IRAK4: variants seen among roughly 807,000 people sequenced by gnomAD.
IRAK4 encodes the protein interleukin-1 receptor-associated kinase 4.
IRAK4 carries 44 observed loss-of-function variants against 51.8 expected under a neutral mutation model. The ratio of observed to expected loss-of-function variants is 0.85; its 90% CI spans 0.67 to 1.09. IRAK4 has a LOEUF of 1.09. IRAK4 is among the 50% of genes least tolerant of loss of function. The probability of loss-of-function intolerance (pLI) is 0.00; values close to 1 mark genes in which losing one functional copy is unlikely to be tolerated. For synonymous variants in IRAK4, 149 were observed against 174.1 expected, an observed-to-expected ratio of 0.86 and a Z score of 1.13; for missense variants, 487 against 538.0, an observed-to-expected ratio of 0.91 and a Z score of 0.94.
chr12:43,785,213 T>C (rs1204560274), intron 10 of IRAK4, among the ~76,000 whole-genome samples: 1 of 152,146 alleles, frequency 6.6e-6, no homozygotes, highest in African/African-American at 2.4e-5. Flanking sequence ...CTTTTCCTAA[T>C]AAGATCACAT....
chr12:43,772,330 C>T lies in IRAK4; in HGVS notation c.458C>T (p.Pro153Leu), dbSNP rs1266778238. 3 of 1,613,296 alleles carry T rather than the reference C, an allele frequency of 1.9e-6. No homozygotes were observed. Among genetic ancestry groups the T allele is most frequent in the Non-Finnish European group, 2.5e-6 (3 of 1,179,942 alleles). The change falls in exon 4 of 12, where the codon CCA becomes CTA. Residue 153 changes from proline to leucine, a missense_variant. By Grantham distance (98) the Pro-to-Leu change is moderately conservative. Transcript: ENST00000613694. ...QSYMPPDSSS[P>L]ENKSLEVSDT... ...TATATGCCACCTGACTCCTCAAGTC[C>T]AGAAAATAAAAGTTTAGAAGTTAGT... is the stretch of plus-strand genomic sequence containing the variant.
Position 43,784,367 on chromosome 12 carries a change from A to G in IRAK4, c.1188+643A>G, listed in dbSNP as rs146832901. Among the ~76,000 whole-genome samples, 504 of 152,246 alleles carry G rather than the reference A, an allele frequency of 3.3e-3. 2 individuals carry two copies. Among genetic ancestry groups the G allele is most frequent in the Middle Eastern group, 0.01 (3 of 294 alleles). ...GGATCTCCTCCAATTTAATTCTGACACTACATTCCTGGACATAGCATCAGA... is the reference window on the plus strand; with the variant it reads ...GGATCTCCTCCAATTTAATTCTGACGCTACATTCCTGGACATAGCATCAGA... On this transcript the variant is annotated intron_variant, in intron 10 of 11. Coordinates refer to ENST00000613694, the MANE Select transcript of IRAK4 (RefSeq NM_016123.4).
rs76136881 is a variant in IRAK4 at position 43,776,371 on chromosome 12, G to A, written c.717-1259G>A. Among the ~76,000 whole-genome samples, 104 of 152,208 alleles carry A rather than the reference G, an allele frequency of 6.8e-4. 1 individual carries two copies. In the East Asian group the frequency reaches 7.7e-3, roughly 11 times the overall value. On this transcript the variant is annotated intron_variant, in intron 6 of 11. Transcript: ENST00000613694. Reference sequence around the variant, plus strand: ...CGTTTATAGTATAAATTCAGCAAACGTTAACTACTCATGTTTAAAATGTGC... The same window carrying A: ...CGTTTATAGTATAAATTCAGCAAACATTAACTACTCATGTTTAAAATGTGC...
chr12:43,764,765 T>C (rs1222685764), intron 1 of IRAK4, among the ~76,000 whole-genome samples: 1 of 151,400 alleles, frequency 6.6e-6, no homozygotes, highest in Non-Finnish European at 1.5e-5. Context: ...GGTGAAGCTT[T>C]CCCAGGTGTT....
chr12:43,760,835 C>T (rs1017668219), intron 1 of IRAK4: 2 of 152,134 alleles, frequency 1.3e-5, no homozygotes, highest in Admixed American at 1.3e-4. Context: ...TTATTGCCTT[C>T]CTTCCTCCAT....
At chr12:43,772,019 C>CT (rs932714351) in intron 3 of IRAK4, among the ~76,000 whole-genome samples, 161 bp from the exon 4 acceptor site, 48 of 152,312 alleles carry the variant, frequency 3.2e-4, no homozygotes, top group African/African-American at 1.1e-3. Context: ...TTCATTATAA[C>CT]TTACAGATTC....
rs140578147 is a variant in IRAK4, at chr12:43,779,735, G to A, written c.941+1433G>A. Among the ~76,000 whole-genome samples, 162 of 152,252 alleles carry A rather than the reference G, an allele frequency of 1.1e-3. 1 individual carries two copies. In the East Asian group the frequency reaches 0.021, roughly 20 times the overall value. ...CTGAAAAAAGACTTGGTTAGGTTGG[G>A]GTTAGAGAGATGGTTAGAAAATGTG... On this transcript the variant is annotated intron_variant, in intron 8 of 11. Transcript: ENST00000613694.
intron 6 of IRAK4, 116 bp from the exon 7 acceptor site, chr12:43,777,514 T>G (rs1049870559): frequency 4.4e-5 from 37 of 837,486 alleles, no homozygotes; most frequent in Non-Finnish European, 5.9e-5. Context: ...TTAGAAATAA[T>G]ATATAACATA....
At chr12:43,784,539 T>C (rs1436257842) in intron 10 of IRAK4, among the ~76,000 whole-genome samples, 1 of 152,242 alleles carries the variant, frequency 6.6e-6, no homozygotes, top group Non-Finnish European at 1.5e-5. Flanking sequence ...GGGCTCAAGA[T>C]TGAACCCAGA....
chr12:43,772,267 G>C lies in IRAK4; in HGVS notation c.395G>C (p.Arg132Thr). 6.2e-7 allele frequency: 1 copy of C among 1,613,746 alleles called. No individual in the cohort carries two copies. The change falls in exon 4 of 12, where the codon AGG becomes ACG. Residue 132 changes from arginine (R) to threonine (T), a missense_variant. Coordinates refer to ENST00000613694, the MANE Select transcript of IRAK4 (RefSeq NM_016123.4). ...QKQMPFCDKD[R>T]TLMTPVQNLE... Reference sequence around the variant, plus strand: ...CAGATGCCTTTCTGTGACAAAGACAGGACATTGATGACACCTGTGCAGAAT... The same window carrying C: ...CAGATGCCTTTCTGTGACAAAGACACGACATTGATGACACCTGTGCAGAAT...
At chr12:43,765,472 A>G (rs976830308) in intron 1 of IRAK4, among the ~76,000 whole-genome samples, 2 of 152,156 alleles carry the variant, frequency 1.3e-5, no homozygotes, top group African/African-American at 4.8e-5. Flanking sequence ...AACCTCCACC[A>G]TAAATGTGGT....
In IRAK4 at chr12:43,786,543, C is replaced by A. The variant is rs762479548; in HGVS notation, c.1333C>A (p.Pro445Thr). 8 of 1,613,294 alleles carry A rather than the reference C, an allele frequency of 5.0e-6. No homozygotes were observed. The South Asian group carries it at 7.7e-5, about 16-fold the overall frequency. ...TCTGCATGAAAAGAAAAATAAGAGA[C>A]CAGACATTAAGAAGGTATGCATTTT... ...QCLHEKKNKR[P>T]DIKKVQQLLQ... Residue 445 changes from proline (P) to threonine (T), a missense_variant, in exon 11 of 12, where the codon CCA becomes ACA. Transcript: ENST00000613694.
Position 43,786,765 on chromosome 12 carries a change from A to AT in IRAK4, c.*57dup, listed in dbSNP as rs755909125. ...CTTTTTATATACACCTATCTCAACC[A>AT]TTTTTTTAACTGATTTTTTTCCTAA... On this transcript the variant is annotated 3_prime_UTR_variant, in exon 12 of 12. Coordinates refer to ENST00000613694, the MANE Select transcript of IRAK4 (RefSeq NM_016123.4). 2.7e-6 allele frequency: 4 copies of AT among 1,479,732 alleles called. No homozygotes were observed. The highest frequency in any genetic ancestry group is 3.8e-6 in the Non-Finnish European group (4 of 1,062,360). The allele number at this position is 1,479,732 out of a possible 1,614,324, so 91.7% of individuals were successfully genotyped here. A position where few individuals can be genotyped will look rare whatever the true frequency, so the allele number is the denominator to read the frequency against.
chr12:43,768,377 C>T lies in IRAK4; in HGVS notation c.161+105C>T, dbSNP rs188640717. ...GTGGCAGTTTAGAAAGTAAACCTCT[C>T]CACTATGGAGGAGACATTGGTAGTA... On this transcript the variant is annotated intron_variant, in intron 2 of 11. Coordinates refer to ENST00000613694, the MANE Select transcript of IRAK4 (RefSeq NM_016123.4). The T allele has an allele frequency of 7.4e-6, 6 of 812,616 alleles. No individual in the cohort carries two copies. In the East Asian group the frequency reaches 8.0e-5, roughly 11 times the overall value. The allele number at this position is 812,616 out of a possible 1,614,324, so 50.3% of individuals were successfully genotyped here.
intron 8 of IRAK4, among the ~76,000 whole-genome samples, chr12:43,780,545 T>C (rs997700312): frequency 1.3e-5 from 2 of 151,756 alleles, no homozygotes; most frequent in Non-Finnish European, 2.9e-5. Context: ...TGTTCTTATA[T>C]CATTGTCTCT....
At chr12:43,770,878 T>C (rs1940678617) in intron 2 of IRAK4, among the ~76,000 whole-genome samples, 1 of 152,142 alleles carries the variant, frequency 6.6e-6, no homozygotes, top group Non-Finnish European at 1.5e-5. Flanking sequence ...TATGAGTGGA[T>C]TAATGTCGTC....
chr12:43,771,886 A>G (rs972690840), intron 3 of IRAK4, among the ~76,000 whole-genome samples: 3 of 152,152 alleles, frequency 2.0e-5, no homozygotes, highest in Non-Finnish European at 4.4e-5. Flanking sequence ...TTCCAAATCT[A>G]TGTAATCAGA....
At position 43,782,579 on chromosome 12, in the gene IRAK4, TTA is replaced by T. The variant is rs1396930409; in HGVS notation, c.1125+91_1125+92del. ...ATATTATTTAATACACCCATCTTGTTTATCTCTCTTATGTAACAATATAAGTT... is the reference window on the plus strand; with the variant it reads ...ATATTATTTAATACACCCATCTTGTTTCTCTCTTATGTAACAATATAAGTT... On this transcript the variant is annotated intron_variant, in intron 9 of 11. Transcript: ENST00000613694. 1.4e-5 allele frequency: 15 copies of T among 1,056,530 alleles called. No homozygotes were observed. In the South Asian group the frequency reaches 2.0e-4, roughly 14 times the overall value. The allele number at this position is 1,056,530 out of a possible 1,614,324, so 65.4% of individuals were successfully genotyped here.
chr12:43,766,092 C>T (rs914130743), intron 1 of IRAK4, among the ~76,000 whole-genome samples: 8 of 152,282 alleles, frequency 5.3e-5, no homozygotes, highest in Middle Eastern at 3.4e-3. Context: ...GATTATTTAA[C>T]ATCCCTCCTA....
Sources: gnomAD v4.1 joint callset for allele counts (sites outside exome capture counted in the v4.1 genomes callset) on GRCh38, gnomAD v4.1.1 for gene constraint, MANE v1.5 for transcripts, NCBI Gene and HGNC (gene_info 2026-07-23, HGNC 2026-07-21) for gene names.